The following ZCWPW2 variants were observed in gnomAD, a reference collection of about 807,000 sequenced individuals.
ZCWPW2 encodes the protein zinc finger CW-type PWWP domain protein 2.
In ZCWPW2, 45 loss-of-function variants were observed where a neutral mutation model predicts 46.6. The observed-to-expected ratio is 0.96, with a 90% CI of 0.76 to 1.24. The LOEUF (loss-of-function observed/expected upper bound fraction) is 1.24. Ranked by LOEUF, ZCWPW2 falls within the 50% of genes most tolerant of loss-of-function variation. The pLI is 0.00. For missense variants in ZCWPW2, 429 were observed against 403.9 expected (o/e 1.06, Z -0.53); for synonymous variants, 152 against 137.1 (o/e 1.11, Z -0.76).
At chr3:28,509,006 C>G (rs561130002) in intron 6 of ZCWPW2, among the ~76,000 whole-genome samples, 2 of 152,234 alleles carry the variant, frequency 1.3e-5, no homozygotes, top group South Asian at 4.1e-4. Context: ...AACTTTATAT[C>G]CATTAGCCAT....
chr3:28,461,429 T>C (rs1381549996), intron 4 of ZCWPW2: 1 of 152,154 alleles, frequency 6.6e-6, no homozygotes, highest in African/African-American at 2.4e-5. Context: ...ATGAAATACT[T>C]TACAGACCTA....
chr3:28,460,185 A>G (rs1267132747), intron 4 of ZCWPW2, among the ~76,000 whole-genome samples: 1 of 150,808 alleles, frequency 6.6e-6, no homozygotes, highest in Admixed American at 6.6e-5. Flanking sequence ...TTTCTTCTCT[A>G]GTGCCCATTG....
chr3:28,387,392 G>T (rs569816118), intron 1 of ZCWPW2, among the ~76,000 whole-genome samples: 1 of 152,194 alleles, frequency 6.6e-6, no homozygotes, highest in East Asian at 1.9e-4. Context: ...TTACTCTTCT[G>T]TAATTTCCTG....
At chr3:28,520,942 T>C in intron 8 of ZCWPW2, 50 bp from the exon 9 acceptor site, 1 of 1,601,104 alleles carries the variant, frequency 6.2e-7, no homozygotes, top group South Asian at 1.1e-5. Context: ...TGAATTAGAT[T>C]GAATTAAGTG....
chr3:28,417,178 G>A (rs969650474), intron 3 of ZCWPW2, among the ~76,000 whole-genome samples: 1 of 151,660 alleles, frequency 6.6e-6, no homozygotes, highest in Non-Finnish European at 1.5e-5. Context: ...AAAGACAAAG[G>A]GGATATCACC....
intron 1 of ZCWPW2, among the ~76,000 whole-genome samples, chr3:28,351,267 T>C (rs1238687730): frequency 6.7e-6 from 1 of 149,094 alleles, no homozygotes; most frequent in Non-Finnish European, 1.5e-5. Flanking sequence ...TATATATACA[T>C]ATATATATTA....
chr3:28,468,484 A>G (rs943298326), intron 4 of ZCWPW2, among the ~76,000 whole-genome samples: 3 of 152,180 alleles, frequency 2.0e-5, no homozygotes, highest in African/African-American at 7.2e-5. Context: ...ATCAAGCAGA[A>G]TTAACACAAA....
chr3:28,482,739 C>T (rs1483453691), intron 5 of ZCWPW2, among the ~76,000 whole-genome samples: 1 of 152,124 alleles, frequency 6.6e-6, no homozygotes, highest in African/African-American at 2.4e-5. Context: ...TTTACAATTT[C>T]CTAATGACAT....
chr3:28,431,237 C>T (rs11720107), intron 3 of ZCWPW2, among the ~76,000 whole-genome samples: 42,843 of 151,716 alleles, frequency 0.28, 6,266 homozygotes, highest in Middle Eastern at 0.33. Context: ...TATCATTTTT[C>T]CTCCTCTCAG....
chr3:28,371,901 C>T (rs1705345999), intron 1 of ZCWPW2, among the ~76,000 whole-genome samples: 1 of 151,794 alleles, frequency 6.6e-6, no homozygotes, highest in African/African-American at 2.4e-5. Flanking sequence ...GTTTCTTCTT[C>T]TCTTTCTCCT....
chr3:28,448,780 GTC>G, intron 4 of ZCWPW2, among the ~76,000 whole-genome samples: 2 of 52,268 alleles, frequency 3.8e-5, no homozygotes, highest in Non-Finnish European at 7.1e-5. Context: ...GTGAGACTCT[GTC>G]TCAAAAAAAA....
In ZCWPW2 at chr3:28,434,156, AACT is replaced by A. The variant is rs1447727686; in HGVS notation, c.333-953_333-951del. 1.9e-4 allele frequency among the ~76,000 whole-genome samples: 29 copies of A among 152,134 alleles called. 1 individual carries two copies. Among genetic ancestry groups the A allele is most frequent in the Admixed American group, 1.9e-3 (29 of 15,272 alleles). Reference sequence around the variant, plus strand: ...TCCCATAAATTTTCAGTTTATTTCAAACTTCCTTTTAAACAGAACATGATAAAC... The same window carrying A: ...TCCCATAAATTTTCAGTTTATTTCAATCCTTTTAAACAGAACATGATAAAC... On this transcript the variant is annotated intron_variant, in intron 3 of 9. Transcript: ENST00000383768.
intron 3 of ZCWPW2, among the ~76,000 whole-genome samples, chr3:28,421,034 G>C (rs1559497344): frequency 6.6e-6 from 1 of 151,842 alleles, no homozygotes; most frequent in African/African-American, 2.4e-5. Context: ...TTTTCATTTT[G>C]GATCTTATTT....
chr3:28,460,174 A>G (rs965753922), intron 4 of ZCWPW2, among the ~76,000 whole-genome samples: 3 of 151,298 alleles, frequency 2.0e-5, no homozygotes, highest in African/African-American at 4.9e-5. Context: ...TCTCTGGCTA[A>G]TTTCTTCTCT....
At chr3:28,441,126 G>T (rs947861118) in intron 4 of ZCWPW2, among the ~76,000 whole-genome samples, 1 of 152,150 alleles carries the variant, frequency 6.6e-6, no homozygotes, top group Admixed American at 6.5e-5. Context: ...GGGGAAAGAG[G>T]CTGAGTGGTG....
chr3:28,368,485 C>T (rs1288643528), intron 1 of ZCWPW2, among the ~76,000 whole-genome samples: 1 of 152,122 alleles, frequency 6.6e-6, no homozygotes, highest in Non-Finnish European at 1.5e-5. Context: ...TAAATATTGG[C>T]CCCCACTCTC....
chr3:28,380,954 A>G (rs1324924119), intron 1 of ZCWPW2, among the ~76,000 whole-genome samples: 1 of 45,812 alleles, frequency 2.2e-5, no homozygotes, highest in African/African-American at 1.1e-4. Context: ...ATATATATAT[A>G]TATATATATA....
intron 8 of ZCWPW2, among the ~76,000 whole-genome samples, chr3:28,518,674 C>G (rs1353464524): frequency 1.3e-5 from 2 of 152,174 alleles, no homozygotes; most frequent in African/African-American, 4.8e-5. Flanking sequence ...TTATCATAAA[C>G]TGATTGTATT....
intron 2 of ZCWPW2, among the ~76,000 whole-genome samples, chr3:28,396,419 T>C (rs902302622): frequency 6.6e-5 from 10 of 152,200 alleles, no homozygotes; most frequent in Non-Finnish European, 1.5e-5. Flanking sequence ...GTTAATACTT[T>C]AAAAATGGCA....
Sources: gnomAD v4.1 joint callset for allele counts (sites outside exome capture counted in the v4.1 genomes callset) on GRCh38, gnomAD v4.1.1 for gene constraint, MANE v1.5 for transcripts, NCBI Gene and HGNC (gene_info 2026-07-23, HGNC 2026-07-21) for gene names.